The following BRWD1 variants were observed in gnomAD, a reference collection of about 807,000 sequenced individuals.
The protein encoded by BRWD1 is bromodomain and WD repeat domain containing 1.
BRWD1 carries 82 observed loss-of-function variants against 251.2 expected under a neutral mutation model. That is an observed-to-expected ratio of 0.33 (90% confidence interval 0.27 to 0.39). The LOEUF (loss-of-function observed/expected upper bound fraction) is 0.39, where lower values mean the gene tolerates loss of function less well. Among genes scored for constraint, BRWD1 ranks in the 10% least tolerant of loss-of-function variants. The pLI, the probability that BRWD1 is intolerant of heterozygous loss-of-function variation, is 1.00. For synonymous variants in BRWD1, 918 were observed against 902.8 expected (o/e 1.02, Z -0.30); for missense variants, 2,233 against 2,711.6 (o/e 0.82, Z 3.92).
chr21:39,313,345 G>C (rs764458712), intron 1 of BRWD1, 46 bp from the exon 2 acceptor site: 2 of 1,505,864 alleles, frequency 1.3e-6, no homozygotes, highest in South Asian at 1.2e-5. Context: ...GGGGAGGGGA[G>C]GGGGACGGGG....
At chr21:39,221,391 A>T (rs2033172249) in intron 29 of BRWD1, among the ~76,000 whole-genome samples, 2 of 152,192 alleles carry the variant, frequency 1.3e-5, no homozygotes, top group Non-Finnish European at 2.9e-5. Flanking sequence ...AAGCAATAAT[A>T]ACTAATATTT....
intron 15 of BRWD1, 40 bp from the exon 16 acceptor site, chr21:39,265,059 T>G: frequency 6.3e-7 from 1 of 1,589,814 alleles, no homozygotes; most frequent in Non-Finnish European, 8.5e-7. Context: ...ACCAATTCTA[T>G]GCAAGTGATT....
In BRWD1 at chr21:39,264,440, A is replaced by G. The variant is rs1196955076; in HGVS notation, c.1885+20T>C. ...TCAAGTACAACTTTAAAAAAAAAAAAAAAAAAAGACTGCACTTACTTGTTG... is the reference window on the plus strand; with the variant it reads ...TCAAGTACAACTTTAAAAAAAAAAAGAAAAAAAGACTGCACTTACTTGTTG... On this transcript the variant is annotated intron_variant, in intron 17 of 40. Transcript: ENST00000342449. 2 of 1,454,934 alleles carry G rather than the reference A, an allele frequency of 1.4e-6. No individual in the cohort carries two copies. The highest frequency in any genetic ancestry group is 1.8e-6 in the Non-Finnish European group (2 of 1,087,366). 90.1% of individuals were successfully genotyped at this position (1,454,934 alleles called of 1,614,324 possible). A position where few individuals can be genotyped will look rare whatever the true frequency, so the allele number is the denominator to read the frequency against.
Position 39,206,111 on chromosome 21 carries a change from A to T in BRWD1, c.4361T>A (p.Ile1454Asn). 6.2e-7 allele frequency: 1 copy of T among 1,605,268 alleles called. No individual in the cohort carries two copies. The highest frequency in any genetic ancestry group is 1.1e-5 in the South Asian group (1 of 88,860). The change falls in exon 37 of 41, where the codon ATC becomes AAC. Residue 1454 changes from isoleucine to asparagine, a missense_variant. Around this residue, in one of 12 missense-constraint regions of BRWD1, gnomAD observed 928 missense variants for 970.0 expected, o/e 0.96. Transcript: ENST00000342449. ...AAGCTTGCCATAACCAGTTTACCTG[A>T]TACTTTTGTTAGGCTGACTGTCACC... The part of the protein sequence containing the change: ...CKGDSQPNKS[I>N]RNLKPKRLKS...
At chr21:39,258,791 A>C in intron 17 of BRWD1, 119 bp from the exon 18 acceptor site, 1 of 670,946 alleles carries the variant, frequency 1.5e-6, no homozygotes, top group Non-Finnish European at 2.2e-6. Context: ...TTGAAAAATA[A>C]CCAGTTTAAA....
chr21:39,300,609 GAA>G, intron 4 of BRWD1, among the ~76,000 whole-genome samples: 1 of 152,114 alleles, frequency 6.6e-6, no homozygotes, highest in East Asian at 1.9e-4. Context: ...AACTGCTTGA[GAA>G]AAGAGCACAT....
At chr21:39,221,337 TTA>T (rs2033169032) in intron 29 of BRWD1, among the ~76,000 whole-genome samples, 2 of 152,078 alleles carry the variant, frequency 1.3e-5, no homozygotes, top group Admixed American at 6.6e-5. Context: ...TGTGATGTAG[TTA>T]TATGATTTAC....
At chr21:39,275,677 ATATAT>A (rs2035258002) in intron 12 of BRWD1, among the ~76,000 whole-genome samples, 1 of 152,208 alleles carries the variant, frequency 6.6e-6, no homozygotes, top group South Asian at 2.1e-4. Context: ...CAATGTAAAT[ATATAT>A]TAAAACACCA....
intron 8 of BRWD1, among the ~76,000 whole-genome samples, chr21:39,291,110 A>AAAAAAC (rs1407764168): frequency 6.6e-6 from 1 of 152,188 alleles, no homozygotes; most frequent in African/African-American, 2.4e-5. Flanking sequence ...GGCCAAAAAC[A>AAAAAAC]AAAAACAAAA....
In BRWD1 at chr21:39,313,267, C is replaced by T; in HGVS notation, c.82G>A (p.Ala28Thr). 6 of 1,562,480 alleles carry T rather than the reference C, an allele frequency of 3.8e-6. No homozygotes were observed. Among genetic ancestry groups the T allele is most frequent in the Non-Finnish European group, 5.2e-6 (6 of 1,150,102 alleles). ...LYFLIARYLS[A>T]GPCRRAAQVL... The stretch of plus-strand genomic sequence containing the variant: ...TGGGCCGCTCTCCGACACGGGCCCG[C>T]CGATAGGTACCGGGCGATAAGGAAG... The change falls in exon 2 of 41, where the codon GCG becomes ACG. Residue 28 changes from alanine to threonine, a missense_variant. Physicochemically the swap from Ala to Thr is moderately conservative, Grantham distance 58. This residue lies in a region of BRWD1 where 101 missense variants were observed against 95.6 expected (regional missense o/e 1.06). Coordinates refer to ENST00000342449, the MANE Select transcript of BRWD1 (RefSeq NM_033656.4).
chr21:39,235,942 G>A, intron 23 of BRWD1: 1 of 201,600 alleles, frequency 5.0e-6, no homozygotes, highest in Non-Finnish European at 1.1e-5. Flanking sequence ...TGTGTCATGT[G>A]GTTCACAAAG....
intron 8 of BRWD1, 124 bp from the exon 9 acceptor site, chr21:39,280,372 G>A: frequency 4.4e-6 from 3 of 689,434 alleles, no homozygotes; most frequent in Non-Finnish European, 7.5e-6. Context: ...CCAAAATATA[G>A]GTAATACTAC....
intron 4 of BRWD1, among the ~76,000 whole-genome samples, chr21:39,311,451 A>T (rs1485231862): frequency 6.6e-6 from 1 of 152,134 alleles, no homozygotes; most frequent in East Asian, 1.9e-4. Flanking sequence ...CACTGCACCC[A>T]GCCCCTATAA....
chr21:39,196,159 A>G lies in BRWD1; in HGVS notation c.*100T>C. The G allele has an allele frequency of 1.4e-6, 2 of 1,467,896 alleles. No homozygotes were observed. Among genetic ancestry groups the G allele is most frequent in the Non-Finnish European group, 9.0e-7 (1 of 1,113,110 alleles). The allele number at this position is 1,467,896 out of a possible 1,614,324, so 90.9% of individuals were successfully genotyped here. A position where few individuals can be genotyped will look rare whatever the true frequency, so the allele number is the denominator to read the frequency against. On this transcript the variant is annotated 3_prime_UTR_variant, in exon 41 of 41. Coordinates refer to ENST00000342449, the MANE Select transcript of BRWD1 (RefSeq NM_033656.4). ...TAACTTTTCATAGAAAAATATAAAT[A>G]TATTCCCTGAATTGTAAGACAAAAA...
At chr21:39,287,511 G>C (rs2035678212) in intron 8 of BRWD1, among the ~76,000 whole-genome samples, 1 of 151,956 alleles carries the variant, frequency 6.6e-6, no homozygotes, top group Non-Finnish European at 1.5e-5. Context: ...TTTGTGTCTT[G>C]TTTTTCTCTG....
chr21:39,267,838 T>A (rs2034972886), intron 15 of BRWD1, among the ~76,000 whole-genome samples: 1 of 152,182 alleles, frequency 6.6e-6, no homozygotes, highest in South Asian at 2.1e-4. Flanking sequence ...AAAAGTTAAC[T>A]TTCTTCTCAG....
In BRWD1 at chr21:39,195,066, C is replaced by G. The variant is rs149915536; in HGVS notation, c.*1193G>C. On this transcript the variant is annotated 3_prime_UTR_variant, in exon 41 of 41. Transcript: ENST00000342449. ...ATAAGTGTACTATTTGTGTGATAAA[C>G]TTTCACTTTAAATGGATTATAAAAT... 4,032 of 1,269,052 alleles carry G rather than the reference C, an allele frequency of 3.2e-3. 99 individuals are homozygous for G. In the African/African-American group the frequency reaches 0.054, roughly 17 times the overall value. 78.6% of individuals were successfully genotyped at this position (1,269,052 alleles called of 1,614,324 possible).
At chr21:39,313,020 G>C (rs1023855819) in intron 3 of BRWD1, 52 bp downstream of exon 3, 1 of 1,296,792 alleles carries the variant, frequency 7.7e-7, no homozygotes, top group Non-Finnish European at 9.8e-7. Context: ...ATCCCTCAGG[G>C]CAAGGTCGGC....
intron 8 of BRWD1, among the ~76,000 whole-genome samples, chr21:39,288,921 A>C (rs1342202511): frequency 6.6e-6 from 1 of 152,164 alleles, no homozygotes; most frequent in Non-Finnish European, 1.5e-5. Flanking sequence ...GACCCATGCA[A>C]TTCAAACCCA....
Sources: allele counts gnomAD v4.1 joint callset (sites outside exome capture counted in the v4.1 genomes callset), GRCh38; gene constraint gnomAD v4.1.1; regional missense constraint gnomAD v4.1.1; transcripts MANE v1.5; gene names NCBI Gene and HGNC (gene_info 2026-07-23, HGNC 2026-07-21).